Variants in XKR4 observed in about 807,000 individuals in gnomAD.
XKR4 encodes XK related 4.
Under a neutral mutation model 53.9 loss-of-function variants are expected in XKR4, and 12 were observed. The ratio of observed to expected loss-of-function variants is 0.22; its 90% CI spans 0.14 to 0.36. The LOEUF is 0.36. Ranked by LOEUF, XKR4 falls within the 10% of genes least tolerant of loss-of-function variation. The probability of loss-of-function intolerance (pLI) is 1.00; values close to 1 mark genes in which losing one functional copy is unlikely to be tolerated. For missense variants in XKR4, 799 were observed against 859.5 expected, an observed-to-expected ratio of 0.93 and a Z score of 0.88; for synonymous variants, 354 against 362.4, an observed-to-expected ratio of 0.98 and a Z score of 0.26.
chr8:55,176,238 G>A (rs1434904186), intron 1 of XKR4, among the ~76,000 whole-genome samples: 2 of 152,222 alleles, frequency 1.3e-5, no homozygotes, highest in Non-Finnish European at 2.9e-5. Flanking sequence ...TGAGAAGTAT[G>A]TATTCTATAA....
At chr8:55,388,700 C>T (rs947905142) in intron 2 of XKR4, among the ~76,000 whole-genome samples, 5 of 152,220 alleles carry the variant, frequency 3.3e-5, no homozygotes, top group South Asian at 4.1e-4. Context: ...AGGACTTCCA[C>T]GTATGAGTTT....
intron 1 of XKR4, among the ~76,000 whole-genome samples, chr8:55,241,995 A>T (rs1351489677): frequency 6.6e-6 from 1 of 152,226 alleles, no homozygotes; most frequent in Non-Finnish European, 1.5e-5. Context: ...CTAAACTTTT[A>T]GTTATTATTT....
chr8:55,189,805 T>A (rs1817421825), intron 1 of XKR4, among the ~76,000 whole-genome samples: 1 of 152,208 alleles, frequency 6.6e-6, no homozygotes, highest in Non-Finnish European at 1.5e-5. Flanking sequence ...CCATTTGTTC[T>A]ATGCTGAGTT....
intron 2 of XKR4, among the ~76,000 whole-genome samples, chr8:55,411,803 C>T (rs767722576): frequency 3.4e-4 from 52 of 152,296 alleles, no homozygotes; most frequent in Non-Finnish European, 3.8e-4. Flanking sequence ...TCTCAGTGGG[C>T]GCCTGAGCCC....
chr8:55,316,424 A>G (rs1819476254), intron 1 of XKR4, among the ~76,000 whole-genome samples: 1 of 152,210 alleles, frequency 6.6e-6, no homozygotes, highest in African/African-American at 2.4e-5. Context: ...TCAGGATTAA[A>G]GTCATGAGTT....
intron 1 of XKR4, among the ~76,000 whole-genome samples, chr8:55,213,760 C>A (rs1359661312): frequency 6.7e-6 from 1 of 150,374 alleles, no homozygotes; most frequent in Non-Finnish European, 1.5e-5. Context: ...GGTCAGATCT[C>A]TTTCACTATC....
At chr8:55,265,202 CCAT>C (rs1182226280) in intron 1 of XKR4, among the ~76,000 whole-genome samples, 1 of 152,170 alleles carries the variant, frequency 6.6e-6, no homozygotes, top group Non-Finnish European at 1.5e-5. Flanking sequence ...TGAAGATGCA[CCAT>C]CATCAGGACC....
At chr8:55,116,278 C>A (rs1286958748) in intron 1 of XKR4, among the ~76,000 whole-genome samples, 1 of 152,100 alleles carries the variant, frequency 6.6e-6, no homozygotes, top group Non-Finnish European at 1.5e-5. Flanking sequence ...GAGATAGGAA[C>A]TGAGGAAAAT....
intron 2 of XKR4, among the ~76,000 whole-genome samples, chr8:55,497,328 G>A (rs942157706): frequency 2.0e-5 from 3 of 152,286 alleles, no homozygotes; most frequent in Non-Finnish European, 4.4e-5. Flanking sequence ...GGGAGGATTT[G>A]TTTGTGTGTG....
At chr8:55,145,774 G>C (rs1256629929) in intron 1 of XKR4, among the ~76,000 whole-genome samples, 1 of 152,174 alleles carries the variant, frequency 6.6e-6, no homozygotes, top group Admixed American at 6.5e-5. Context: ...TTAAGAACAA[G>C]AGCTATCTGT....
chr8:55,272,129 A>T (rs940839469), intron 1 of XKR4, among the ~76,000 whole-genome samples: 4 of 152,208 alleles, frequency 2.6e-5, no homozygotes, highest in African/African-American at 9.6e-5. Flanking sequence ...AACAGGTACA[A>T]TGAAAAGAAC....
intron 1 of XKR4, among the ~76,000 whole-genome samples, chr8:55,115,323 T>A (rs981824283): frequency 6.6e-6 from 1 of 152,166 alleles, no homozygotes; most frequent in Non-Finnish European, 1.5e-5. Flanking sequence ...AGCTAGGTTA[T>A]ATAGCAAGTG....
At chr8:55,145,421 A>AT (rs1055771918) in intron 1 of XKR4, among the ~76,000 whole-genome samples, 6 of 107,748 alleles carry the variant, frequency 5.6e-5, no homozygotes, top group Admixed American at 5.3e-4. Context: ...AATACCTAAA[A>AT]TTTTTTCTCA....
In XKR4 at chr8:55,438,423, T is replaced by TA. The variant is rs570334731; in HGVS notation, c.1006+80555dup. 1.9e-3 allele frequency among the ~76,000 whole-genome samples: 288 copies of TA among 149,808 alleles called. 6 individuals carry two copies. Among genetic ancestry groups the TA allele is most frequent in the African/African-American group, 6.5e-3 (266 of 40,814 alleles). On this transcript the variant is annotated intron_variant, in intron 2 of 2. Transcript: ENST00000327381. Reference sequence around the variant, plus strand: ...CAACATGGTGAAACCCCGTCTCTATTAAAAAAAAATACAAAAATGAGCCGG... The same window carrying TA: ...CAACATGGTGAAACCCCGTCTCTATTAAAAAAAAAATACAAAAATGAGCCGG...
At chr8:55,139,561 A>T (rs1669695901) in intron 1 of XKR4, among the ~76,000 whole-genome samples, 1 of 150,642 alleles carries the variant, frequency 6.6e-6, no homozygotes, top group South Asian at 2.1e-4. Flanking sequence ...CCCTAACGGA[A>T]ATAGGGTTCT....
chr8:55,183,760 G>T (rs1817343169), intron 1 of XKR4, among the ~76,000 whole-genome samples: 1 of 152,176 alleles, frequency 6.6e-6, no homozygotes, highest in African/African-American at 2.4e-5. Flanking sequence ...TTGGCAGTTA[G>T]TGTTGTTCAA....
chr8:55,471,598 T>C (rs1400742480), intron 2 of XKR4, among the ~76,000 whole-genome samples: 2 of 152,136 alleles, frequency 1.3e-5, no homozygotes, highest in African/African-American at 4.8e-5. Flanking sequence ...GGAGGCCAGA[T>C]GCAAACATGG....
At chr8:55,479,210 C>G (rs987815340) in intron 2 of XKR4, among the ~76,000 whole-genome samples, 3 of 152,084 alleles carry the variant, frequency 2.0e-5, no homozygotes, top group African/African-American at 7.3e-5. Context: ...TCTCAGACCA[C>G]AGTGCAATCA....
intron 1 of XKR4, among the ~76,000 whole-genome samples, chr8:55,348,685 C>T (rs1410680490): frequency 7.0e-6 from 1 of 142,292 alleles, no homozygotes; most frequent in Admixed American, 6.9e-5. Context: ...GAGAGACAGA[C>T]AAACATACAC....
Sources: gnomAD v4.1 joint callset for allele counts (sites outside exome capture counted in the v4.1 genomes callset) on GRCh38, gnomAD v4.1.1 for gene constraint, MANE v1.5 for transcripts, NCBI Gene and HGNC (gene_info 2026-07-23, HGNC 2026-07-21) for gene names.